MACROD2: variants seen among roughly 807,000 people sequenced by gnomAD.
The protein encoded by MACROD2 is mono-ADP ribosylhydrolase 2, also known as ADP-ribose glycohydrolase MACROD2.
MACROD2 carries 36 observed loss-of-function variants against 70.4 expected under a neutral mutation model. The observed-to-expected ratio is 0.51, with a 90% CI of 0.39 to 0.68. MACROD2 has a LOEUF of 0.68. MACROD2 is among the 30% of genes least tolerant of loss of function. The pLI is 0.00. For synonymous variants in MACROD2, 172 were observed against 178.8 expected (o/e 0.96, Z 0.30); for missense variants, 496 against 538.4 (o/e 0.92, Z 0.78).
At chr20:14,439,270 C>T (rs2084093603) in intron 3 of MACROD2, among the ~76,000 whole-genome samples, 1 of 151,916 alleles carries the variant, frequency 6.6e-6, no homozygotes, top group Non-Finnish European at 1.5e-5. Context: ...TTTTTTTATG[C>T]TAGTACCATA....
chr20:15,252,813 G>C (rs917218410), intron 6 of MACROD2, among the ~76,000 whole-genome samples: 1 of 152,160 alleles, frequency 6.6e-6, no homozygotes, highest in Non-Finnish European at 1.5e-5. Flanking sequence ...ATGCAAATTT[G>C]TGGACACACC....
At chr20:15,905,918 T>A (rs561015855) in intron 10 of MACROD2, among the ~76,000 whole-genome samples, 5 of 152,288 alleles carry the variant, frequency 3.3e-5, no homozygotes, top group Admixed American at 6.5e-5. Context: ...TCTCCAGGGA[T>A]CACCATGCCT....
intron 8 of MACROD2, among the ~76,000 whole-genome samples, chr20:15,753,578 C>T (rs2051304736): frequency 1.3e-5 from 2 of 152,152 alleles, no homozygotes; most frequent in African/African-American, 2.4e-5. Context: ...AATGAACATA[C>T]AAGTACTTAT....
At chr20:14,869,643 C>T (rs1320695059) in intron 5 of MACROD2, among the ~76,000 whole-genome samples, 1 of 152,164 alleles carries the variant, frequency 6.6e-6, no homozygotes, top group Non-Finnish European at 1.5e-5. Flanking sequence ...TTAAGGGGAT[C>T]TGACTGCTAC....
At chr20:15,693,813 G>A (rs1363176025) in intron 8 of MACROD2, among the ~76,000 whole-genome samples, 10 of 151,696 alleles carry the variant, frequency 6.6e-5, no homozygotes, top group African/African-American at 1.7e-4. Flanking sequence ...TGCACATATC[G>A]CCTGAGCAGT....
intron 3 of MACROD2, among the ~76,000 whole-genome samples, chr20:14,234,945 G>A (rs1378908497): frequency 6.6e-6 from 1 of 152,054 alleles, no homozygotes; most frequent in Non-Finnish European, 1.5e-5. Context: ...CGTTTATTAT[G>A]TTTTCAAAGT....
intron 4 of MACROD2, among the ~76,000 whole-genome samples, chr20:14,670,432 G>A (rs922625373): frequency 2.0e-5 from 3 of 152,136 alleles, no homozygotes; most frequent in Non-Finnish European, 4.4e-5. Context: ...TTCTTCTTTA[G>A]TGGTGTGGTC....
intron 4 of MACROD2, among the ~76,000 whole-genome samples, chr20:14,553,408 C>CTT (rs34162149): frequency 0.04 from 5,074 of 127,794 alleles, 316 homozygotes; most frequent in African/African-American, 0.13. Context: ...TTCTAGTTAA[C>CTT]TTTTTTTTTT....
rs114714044 is a variant in MACROD2, at chr20:15,435,221, A to G, written c.571+3786A>G. ...TAAAAAGGCATTTTACTTAATCACT[A>G]TAATACAAAAAAGCAGAAGAAAACA... On this transcript the variant is annotated intron_variant, in intron 7 of 17. Transcript: ENST00000684519. Among the ~76,000 whole-genome samples, 523 of 152,290 alleles carry G rather than the reference A, an allele frequency of 3.4e-3. 2 individuals are homozygous for G. Among genetic ancestry groups the G allele is most frequent in the African/African-American group, 0.012 (493 of 41,578 alleles).
At chr20:14,242,784 A>G (rs2081940004) in intron 3 of MACROD2, among the ~76,000 whole-genome samples, 1 of 152,204 alleles carries the variant, frequency 6.6e-6, no homozygotes. Context: ...AAACAATGTA[A>G]AAATTACTTT....
intron 5 of MACROD2, chr20:14,758,030 C>A: frequency 1.4e-6 from 1 of 707,874 alleles, no homozygotes; most frequent in South Asian, 1.5e-5. Context: ...CGAATTTGGT[C>A]ATGGACATGG....
intron 8 of MACROD2, among the ~76,000 whole-genome samples, chr20:15,640,040 TGA>T (rs548046222): frequency 1.3e-4 from 15 of 112,560 alleles, no homozygotes; most frequent in African/African-American, 3.9e-4. Context: ...AGAAAAGGGG[TGA>T]GAGAAGAAGA....
intron 8 of MACROD2, among the ~76,000 whole-genome samples, chr20:15,756,296 G>T (rs1363014288): frequency 1.3e-5 from 2 of 152,142 alleles, no homozygotes; most frequent in African/African-American, 4.8e-5. Context: ...TTAGTTGATT[G>T]ATTTGTAACA....
At chr20:15,433,546 A>T (rs2046390706) in intron 7 of MACROD2, among the ~76,000 whole-genome samples, 2 of 151,814 alleles carry the variant, frequency 1.3e-5, no homozygotes, top group Non-Finnish European at 2.9e-5. Flanking sequence ...ACTATGAAAC[A>T]CTGCTGAAAG....
At chr20:14,738,259 G>A (rs758913825) in intron 5 of MACROD2, among the ~76,000 whole-genome samples, 59 of 151,702 alleles carry the variant, frequency 3.9e-4, no homozygotes, top group Non-Finnish European at 5.2e-4. Flanking sequence ...TATTATGCAA[G>A]GTAAAAGATG....
chr20:14,960,821 G>A (rs1467439127), intron 5 of MACROD2, among the ~76,000 whole-genome samples: 2 of 151,934 alleles, frequency 1.3e-5, no homozygotes, highest in Non-Finnish European at 2.9e-5. Context: ...CACTTTTTTA[G>A]TGACTTCTTT....
intron 3 of MACROD2, among the ~76,000 whole-genome samples, chr20:14,154,221 T>C (rs949534272): frequency 6.6e-6 from 1 of 152,190 alleles, no homozygotes. Flanking sequence ...AAACATTTCA[T>C]GGGTCCTTTT....
chr20:15,945,272 A>G (rs999541036), intron 12 of MACROD2, among the ~76,000 whole-genome samples: 1 of 152,144 alleles, frequency 6.6e-6, no homozygotes, highest in Admixed American at 6.6e-5. Context: ...TATATTCCAC[A>G]TACCTTGCTA....
chr20:14,333,707 C>T (rs570463132), intron 3 of MACROD2, among the ~76,000 whole-genome samples: 1 of 152,262 alleles, frequency 6.6e-6, no homozygotes, highest in South Asian at 2.1e-4. Flanking sequence ...TCAGCAAATA[C>T]ATTTATTTTA....
Sources: gnomAD v4.1 joint callset for allele counts (sites outside exome capture counted in the v4.1 genomes callset) on GRCh38, gnomAD v4.1.1 for gene constraint, MANE v1.5 for transcripts, NCBI Gene and HGNC (gene_info 2026-07-23, HGNC 2026-07-21) for gene names.